The following ZNF384 variants were observed in gnomAD, a reference collection of about 807,000 sequenced individuals.
The protein encoded by ZNF384 is zinc finger protein 384, also known as CAG repeat protein 1.
Under a neutral mutation model 65.0 loss-of-function variants are expected in ZNF384, and 20 were observed. The ratio of observed to expected loss-of-function variants is 0.31; its 90% confidence interval spans 0.22 to 0.45. The LOEUF (loss-of-function observed/expected upper bound fraction) is 0.45. Ranked by LOEUF, ZNF384 falls within the 20% of genes least tolerant of loss-of-function variation. The pLI is 1.00. For synonymous variants in ZNF384, 310 were observed against 303.9 expected (o/e 1.02, Z -0.21); for missense variants, 549 against 769.4 (o/e 0.71, Z 3.39).
At position 6,678,384 on chromosome 12, in the gene ZNF384, C is replaced by T. The variant is rs747970592; in HGVS notation, c.429G>A (p.Ser143=). 23 of 1,612,840 alleles carry T rather than the reference C, an allele frequency of 1.4e-5. No individual in the cohort carries two copies. The highest frequency in any genetic ancestry group is 1.1e-4 in the South Asian group (10 of 90,942). ...GAAGAGCTGAGACAATCATGGGAGC[C>T]GAAATGGGGAAGGTCTGAGCTGATG... ...TASSAQTFPI[S]APMIVSALPP... Residue 143 remains serine (S), a synonymous_variant, in exon 6 of 12, where the codon TCG becomes TCA. Coordinates refer to ENST00000683879, the MANE Select transcript of ZNF384 (RefSeq NM_001385745.1). This position sits in a 1 kb window ranked among gnomAD's most constrained non-coding sequence, Gnocchi z 4.9.
rs764242889 is a variant in ZNF384 at position 6,679,010 on chromosome 12, G to A, written c.240C>T (p.Ser80=). 1.2e-6 allele frequency: 2 copies of A among 1,613,964 alleles called. No individual in the cohort carries two copies. Among genetic ancestry groups the A allele is most frequent in the East Asian group, 2.2e-5 (1 of 44,892 alleles). Residue 80 remains serine (S), a synonymous_variant, in exon 4 of 12, where the codon AGC becomes AGT. Transcript: ENST00000683879. ...ESKSDQLTPH[S]QASVTQNITV... is the part of the protein sequence containing the mutation. ...TGATATTCTGGGTAACGGACGCTTG[G>A]CTGTGTGGGGTCAGCTGGTCTGACT...
rs1367657316 is a variant in ZNF384 at position 6,678,686 on chromosome 12, C to T, written c.329G>A (p.Arg110Lys). 1 of 1,613,920 alleles carries T rather than the reference C, an allele frequency of 6.2e-7. No homozygotes were observed. Among genetic ancestry groups the T allele is most frequent in the African/African-American group, 1.3e-5 (1 of 74,880 alleles). Reference protein sequence around the residue: ...TAGVSCSQRWRREGSQSRGPG... With the variant: ...TAGVSCSQRWKREGSQSRGPG... ...ACCCCTTGATTGACTCCCTTCTCTTCTCCACCTCTGAGAACAGGAGACTCC... is the reference window on the plus strand; with the variant it reads ...ACCCCTTGATTGACTCCCTTCTCTTTTCCACCTCTGAGAACAGGAGACTCC... Residue 110 changes from arginine to lysine, a missense_variant, in exon 5 of 12, where the codon AGA becomes AAA. Arg to Lys is a conservative substitution (Grantham distance 26, BLOSUM62 2). Around this residue, in one of 5 missense-constraint regions of ZNF384, gnomAD observed 277 missense variants for 337.2 expected, o/e 0.82. Coordinates refer to ENST00000683879, the MANE Select transcript of ZNF384 (RefSeq NM_001385745.1). This position sits in a 1 kb window ranked among gnomAD's most constrained non-coding sequence, Gnocchi z 4.9.
chr12:6,683,762 C>A (rs1395190367), intron 2 of ZNF384, among the ~76,000 whole-genome samples: 1 of 151,538 alleles, frequency 6.6e-6, no homozygotes, highest in Non-Finnish European at 1.5e-5. Flanking sequence ...CTCATGCCTG[C>A]AATCCCAGCA....
At chr12:6,687,651 T>TC (rs1004602164) in intron 2 of ZNF384, among the ~76,000 whole-genome samples, 79 of 152,212 alleles carry the variant, frequency 5.2e-4, no homozygotes, top group African/African-American at 1.9e-3. Context: ...GTTTTTTTTT[T>TC]CCCCTGAAAA....
intron 2 of ZNF384, among the ~76,000 whole-genome samples, chr12:6,682,350 C>G (rs185390782): frequency 1.3e-5 from 2 of 151,360 alleles, no homozygotes; most frequent in Non-Finnish European, 1.5e-5. Context: ...CAAAACAAAA[C>G]AAAACAAAAC....
chr12:6,677,606 A>C (rs1048345163), intron 6 of ZNF384, among the ~76,000 whole-genome samples: 38 of 152,190 alleles, frequency 2.5e-4, no homozygotes, highest in African/African-American at 8.9e-4. Flanking sequence ...TCATTCTTTA[A>C]GTACATATTC....
At position 6,667,532 on chromosome 12, in the gene ZNF384, T is replaced by C. The variant is rs1026449102; in HGVS notation, c.*182A>G. 5 of 819,844 alleles carry C rather than the reference T, an allele frequency of 6.1e-6. No homozygotes were observed. The highest frequency in any genetic ancestry group is 1.0e-5 in the Non-Finnish European group (5 of 482,994). 50.8% of individuals were successfully genotyped at this position (819,844 alleles called of 1,614,324 possible). A position where few individuals can be genotyped will look rare whatever the true frequency, so the allele number is the denominator to read the frequency against. On this transcript the variant is annotated 3_prime_UTR_variant, in exon 12 of 12. Transcript: ENST00000683879. ...ATTCCTTTGCAATCAGGAGGGCTGA[T>C]GTTCCTTTTGAAGAAGAGTTCAGAA...
At position 6,668,047 on chromosome 12, in the gene ZNF384, T is replaced by C. The variant is rs372728212; in HGVS notation, c.1494A>G (p.Ala498=). The C allele has an allele frequency of 2.7e-5, 43 of 1,613,594 alleles. No individual in the cohort carries two copies. The highest frequency in any genetic ancestry group is 3.3e-4 in the Middle Eastern group (2 of 6,060). Residue 498 remains alanine, a synonymous_variant, in exon 12 of 12, where the codon GCA becomes GCG. Coordinates refer to ENST00000683879, the MANE Select transcript of ZNF384 (RefSeq NM_001385745.1). ...CCTGGGCCACTGCTGCCGCTGCTGC[T>C]GCTGCCTGCACCTGTTGCTGAAGAT... The part of the protein sequence containing the change: ...PPDLQQQVQA[A]AAAAAVAQAQ...
chr12:6,677,888 T>C (rs1350026720), intron 6 of ZNF384, among the ~76,000 whole-genome samples: 1 of 152,176 alleles, frequency 6.6e-6, no homozygotes, highest in Non-Finnish European at 1.5e-5. Flanking sequence ...TTAGTCAGTG[T>C]TAACGACCCC....
In ZNF384 at chr12:6,667,756, G is replaced by A. The variant is rs1950080158; in HGVS notation, c.1785C>T (p.Val595=). 1 of 1,614,208 alleles carries A rather than the reference G, an allele frequency of 6.2e-7. No individual in the cohort carries two copies. Among genetic ancestry groups the A allele is most frequent in the Non-Finnish European group, 8.5e-7 (1 of 1,180,042 alleles). ...AEHHKDICLT[V]TTSTIQVEHL... The stretch of plus-strand genomic sequence containing the variant: ...GCTCCACCTGGATGGTGCTGGTGGT[G>A]ACAGTGAGGCAGATGTCCTTATGAT... The change falls in exon 12 of 12, where the codon GTC becomes GTT. Residue 595 remains valine, a synonymous_variant. Transcript: ENST00000683879.
chr12:6,688,082 A>G (rs969902507), intron 2 of ZNF384, 85 bp downstream of exon 2: 2 of 152,642 alleles, frequency 1.3e-5, no homozygotes, highest in African/African-American at 4.8e-5. Context: ...ATTCTATCAC[A>G]TTGTGAAACA....
rs764794758 is a variant in ZNF384, at chr12:6,672,537, C to A, written c.1005-5G>T. 2 of 1,613,258 alleles carry A rather than the reference C, an allele frequency of 1.2e-6. No homozygotes were observed. Among genetic ancestry groups the A allele is most frequent in the African/African-American group, 2.7e-5 (2 of 74,818 alleles). Reference sequence around the variant, plus strand: ...GTGTGCATCTTGGAGTGGATCCTGCCGGAGAGGAGAGGAGGGAAGGGGGGA... The same window carrying A: ...GTGTGCATCTTGGAGTGGATCCTGCAGGAGAGGAGAGGAGGGAAGGGGGGA... On this transcript the variant is annotated splice_region_variant and splice_polypyrimidine_tract_variant and intron_variant, in intron 8 of 11. Coordinates refer to ENST00000683879, the MANE Select transcript of ZNF384 (RefSeq NM_001385745.1). This position sits in a 1 kb window ranked among gnomAD's most constrained non-coding sequence, Gnocchi z 4.4.
intron 11 of ZNF384, among the ~76,000 whole-genome samples, chr12:6,668,490 G>C (rs1458613189): frequency 6.6e-6 from 1 of 152,046 alleles, no homozygotes; most frequent in Non-Finnish European, 1.5e-5. Flanking sequence ...ATCACTTGAG[G>C]TCAGGAGTTT....
chr12:6,674,149 C>T (rs1261556570), intron 7 of ZNF384, among the ~76,000 whole-genome samples: 1 of 152,192 alleles, frequency 6.6e-6, no homozygotes, highest in African/African-American at 2.4e-5. Context: ...ATCCCTCAAG[C>T]ATTTGGGAGA....
chr12:6,680,914 T>C (rs1430800277), intron 2 of ZNF384, among the ~76,000 whole-genome samples: 1 of 151,952 alleles, frequency 6.6e-6, no homozygotes, highest in African/African-American at 2.4e-5. Flanking sequence ...CTGCTTCCTA[T>C]TTCTCAAAAA....
intron 11 of ZNF384, 28 bp from the exon 12 acceptor site, chr12:6,668,143 G>A (rs767574815): frequency 3.2e-6 from 5 of 1,540,666 alleles, no homozygotes; most frequent in African/African-American, 2.7e-5. Flanking sequence ...AAGAAGTTGA[G>A]GGATAAAGAG....
chr12:6,675,868 G>A (rs901559401), intron 7 of ZNF384, among the ~76,000 whole-genome samples: 21 of 152,120 alleles, frequency 1.4e-4, no homozygotes, highest in Non-Finnish European at 3.1e-4. Flanking sequence ...TTATATATGG[G>A]AACAAAGAGT....
intron 2 of ZNF384, among the ~76,000 whole-genome samples, chr12:6,682,539 T>C (rs1191609156): frequency 6.6e-6 from 1 of 152,000 alleles, no homozygotes; most frequent in Non-Finnish European, 1.5e-5. Flanking sequence ...TCCCAGCTAC[T>C]TGGGAGGCTA....
At position 6,667,906 on chromosome 12, in the gene ZNF384, C is replaced by CTGCTGT. The variant is rs750693776; in HGVS notation, c.1634_1635insACAGCA (p.Gln546_Gln547dup). 6.2e-4 allele frequency: 37 copies of CTGCTGT among 59,640 alleles called. No homozygotes were observed. In the African/African-American group the frequency reaches 0.014, roughly 23 times the overall value. The allele number at this position is 59,640 out of a possible 1,614,324, so 3.7% of individuals were successfully genotyped here. On this transcript the variant is annotated inframe_insertion, in exon 12 of 12. Transcript: ENST00000683879. Reference sequence around the variant, plus strand: ...ACTGGAAGTGTGGTGGTGGCTGTTGCTGCTGCTGCTGCTGCTGCTGCTGCT... The same window carrying CTGCTGT: ...ACTGGAAGTGTGGTGGTGGCTGTTGCTGCTGTTGCTGCTGCTGCTGCTGCTGCTGCT...
Sources: allele counts gnomAD v4.1 joint callset (sites outside exome capture counted in the v4.1 genomes callset), GRCh38; gene constraint gnomAD v4.1.1; regional missense constraint gnomAD v4.1.1; non-coding constraint Gnocchi (gnomAD v3.1); transcripts MANE v1.5; gene names NCBI Gene and HGNC (gene_info 2026-07-23, HGNC 2026-07-21).